Variants in SLC25A40 observed in about 807,000 individuals in gnomAD.
The protein encoded by SLC25A40 is solute carrier family 25 member 40.
SLC25A40 carries 41 observed loss-of-function variants against 46.5 expected under a neutral mutation model. The observed-to-expected ratio is 0.88, with a 90% confidence interval of 0.69 to 1.14. SLC25A40 has a LOEUF of 1.14. Among genes scored for constraint, SLC25A40 ranks in the 50% most tolerant of loss-of-function variants. The pLI is 0.00. For missense variants in SLC25A40, 386 were observed against 393.6 expected (o/e 0.98, Z 0.16); for synonymous variants, 126 against 127.5 (o/e 0.99, Z 0.08).
intron 1 of SLC25A40, among the ~76,000 whole-genome samples, chr7:87,862,074 T>C (rs1838708481): frequency 6.6e-6 from 1 of 152,144 alleles, no homozygotes; most frequent in Admixed American, 6.5e-5. Context: ...GTAGAAAATC[T>C]GAGAAGTGAT....
chr7:87,847,576 C>A (rs961311653), intron 7 of SLC25A40, among the ~76,000 whole-genome samples: 1 of 152,076 alleles, frequency 6.6e-6, no homozygotes, highest in Non-Finnish European at 1.5e-5. Context: ...CAGATGACAC[C>A]TCAGAAGTTC....
intron 1 of SLC25A40, among the ~76,000 whole-genome samples, chr7:87,860,880 A>G (rs972557719): frequency 6.6e-6 from 1 of 150,724 alleles, no homozygotes; most frequent in Non-Finnish European, 1.5e-5. Flanking sequence ...AAAAACAAAT[A>G]AGCAAACGAC....
chr7:87,872,320 T>C (rs1838907470), intron 1 of SLC25A40, among the ~76,000 whole-genome samples: 1 of 151,892 alleles, frequency 6.6e-6, no homozygotes, highest in Admixed American at 6.6e-5. Flanking sequence ...GGCCTAAAAT[T>C]AACTATCTAA....
At chr7:87,852,735 T>G (rs933345094) in intron 5 of SLC25A40, among the ~76,000 whole-genome samples, 1 of 152,124 alleles carries the variant, frequency 6.6e-6, no homozygotes, top group Non-Finnish European at 1.5e-5. Flanking sequence ...TATGCCCCAC[T>G]GATTTTTAAC....
intron 10 of SLC25A40, among the ~76,000 whole-genome samples, chr7:87,841,179 A>C (rs1838330296): frequency 1.3e-5 from 2 of 149,050 alleles, no homozygotes; most frequent in African/African-American, 4.9e-5. Flanking sequence ...ATATATATAC[A>C]TATATATAAT....
chr7:87,856,005 A>G (rs1222823559), intron 4 of SLC25A40, among the ~76,000 whole-genome samples: 1 of 152,150 alleles, frequency 6.6e-6, no homozygotes, highest in African/African-American at 2.4e-5. Flanking sequence ...AGTAAGCTGG[A>G]TTCTAAGGTC....
Position 87,847,093 on chromosome 7 carries a change from C to T in SLC25A40, c.487G>A (p.Glu163Lys). The T allele has an allele frequency of 1.2e-6, 2 of 1,610,928 alleles. No individual in the cohort carries two copies. The highest frequency in any genetic ancestry group is 1.7e-6 in the Non-Finnish European group (2 of 1,178,878). ...GACTGCATCTTGGTTCTAATCAATT[C>T]TAGTGGACTTATCACAGTTACTGCA... The part of the protein sequence containing the change: ...FGAVTVISPL[E>K]LIRTKMQSKK... The change falls in exon 8 of 12, where the codon GAA becomes AAA. Residue 163 changes from glutamate (E) to lysine (K), a missense_variant. Coordinates refer to ENST00000341119, the MANE Select transcript of SLC25A40 (RefSeq NM_018843.4).
chr7:87,863,756 C>A (rs958984499), intron 1 of SLC25A40, among the ~76,000 whole-genome samples: 2 of 151,920 alleles, frequency 1.3e-5, no homozygotes, highest in Admixed American at 1.3e-4. Flanking sequence ...TTGAAATGTA[C>A]AACAGATTAT....
At chr7:87,867,952 C>T (rs1257743118) in intron 1 of SLC25A40, among the ~76,000 whole-genome samples, 2 of 152,228 alleles carry the variant, frequency 1.3e-5, no homozygotes, top group Non-Finnish European at 2.9e-5. Context: ...GTGGAACATA[C>T]CTCTTACATT....
chr7:87,840,494 T>C (rs1838316078), intron 10 of SLC25A40, among the ~76,000 whole-genome samples: 1 of 151,768 alleles, frequency 6.6e-6, no homozygotes. Context: ...TGACCACCAC[T>C]ACCTCAATGC....
In SLC25A40 at chr7:87,835,443, G is replaced by C. The variant is rs1285559853; in HGVS notation, c.*806C>G. On this transcript the variant is annotated 3_prime_UTR_variant, in exon 12 of 12. Transcript: ENST00000341119. ...ATTACAAGAGAGCTAAAAATCAGAG[G>C]CTATTCCTGTGTGCAAACTATTTTT... 1 of 151,554 alleles carries C rather than the reference G, an allele frequency of 6.6e-6. No homozygotes were observed. The highest frequency in any genetic ancestry group is 1.5e-5 in the Non-Finnish European group (1 of 67,686). The allele number at this position is 151,554 out of a possible 1,614,324, so 9.4% of individuals were successfully genotyped here.
intron 10 of SLC25A40, among the ~76,000 whole-genome samples, chr7:87,841,133 A>ATGTG (rs561277692): frequency 0.02 from 2,883 of 142,858 alleles, 22 homozygotes; most frequent in Middle Eastern, 0.039. Context: ...TAAAAACAAA[A>ATGTG]TGTGTGTGTG....
Position 87,867,583 on chromosome 7 carries a change from C to G in SLC25A40, c.-93-6943G>C, listed in dbSNP as rs573853590. On this transcript the variant is annotated intron_variant, in intron 1 of 11. Coordinates refer to ENST00000341119, the MANE Select transcript of SLC25A40 (RefSeq NM_018843.4). ...CTCATGTACTGTGTCTCTTTAGGAT[C>G]AGTCATTGGAGTTTTGCTATGTCTT... 4.6e-5 allele frequency among the ~76,000 whole-genome samples: 7 copies of G among 152,232 alleles called. No homozygotes were observed. The East Asian group carries it at 1.2e-3, about 25-fold the overall frequency.
intron 10 of SLC25A40, among the ~76,000 whole-genome samples, chr7:87,841,177 A>G (rs1292713211): frequency 6.7e-6 from 1 of 148,894 alleles, no homozygotes; most frequent in East Asian, 1.9e-4. Context: ...ATATATATAT[A>G]CATATATATA....
intron 9 of SLC25A40, 91 bp from the exon 10 acceptor site, chr7:87,841,805 G>C (rs969194736): frequency 1.2e-4 from 82 of 656,410 alleles, no homozygotes; most frequent in Non-Finnish European, 1.7e-4. Context: ...ATTATTTAAG[G>C]ATAATGAAAA....
intron 1 of SLC25A40, among the ~76,000 whole-genome samples, chr7:87,867,280 T>G (rs535766619): frequency 1.7e-4 from 26 of 152,348 alleles, no homozygotes; most frequent in Admixed American, 7.8e-4. Flanking sequence ...TTGTAGGTAA[T>G]CTTCATTCCT....
intron 1 of SLC25A40, among the ~76,000 whole-genome samples, chr7:87,869,750 G>C (rs139282477): frequency 1.3e-5 from 2 of 152,260 alleles, no homozygotes; most frequent in Non-Finnish European, 2.9e-5. Context: ...AATCTGGGTT[G>C]TTTCAAGTTA....
chr7:87,844,629 A>G (rs1838384570), intron 8 of SLC25A40, among the ~76,000 whole-genome samples: 1 of 152,120 alleles, frequency 6.6e-6, no homozygotes, highest in African/African-American at 2.4e-5. Context: ...ATATTTTTAT[A>G]TATATCCAAA....
At chr7:87,838,979 T>C (rs1019343483) in intron 10 of SLC25A40, among the ~76,000 whole-genome samples, 32 of 151,750 alleles carry the variant, frequency 2.1e-4, no homozygotes, top group Middle Eastern at 3.4e-3. Context: ...AACTTTTTGC[T>C]GTTTTTAACA....
Sources: allele counts gnomAD v4.1 joint callset (sites outside exome capture counted in the v4.1 genomes callset), GRCh38; gene constraint gnomAD v4.1.1; transcripts MANE v1.5; gene names NCBI Gene and HGNC (gene_info 2026-07-23, HGNC 2026-07-21).